Variants in SORCS1 observed in about 807,000 individuals in gnomAD.
SORCS1 encodes VPS10 domain-containing receptor SorCS1.
In SORCS1, 60 loss-of-function variants were observed where a neutral mutation model predicts 146.1. The observed-to-expected ratio is 0.41, with a 90% CI of 0.33 to 0.51. The LOEUF (loss-of-function observed/expected upper bound fraction) is 0.51, where lower values mean the gene tolerates loss of function less well. SORCS1 is among the 20% of genes least tolerant of loss of function. The probability of loss-of-function intolerance (pLI) is 0.21; values close to 1 mark genes in which losing one functional copy is unlikely to be tolerated. For synonymous variants in SORCS1, 637 were observed against 584.0 expected, an observed-to-expected ratio of 1.09 and a Z score of -1.31; for missense variants, 1,352 against 1,487.6, an observed-to-expected ratio of 0.91 and a Z score of 1.50.
chr10:106,952,793 A>G (rs1157958330), intron 2 of SORCS1, among the ~76,000 whole-genome samples: 1 of 151,338 alleles, frequency 6.6e-6, no homozygotes, highest in Non-Finnish European at 1.5e-5. Context: ...TTGAGTAACA[A>G]AGTGGGACCC....
intron 2 of SORCS1, among the ~76,000 whole-genome samples, chr10:106,868,693 A>T (rs148545446): frequency 7.3e-4 from 111 of 152,358 alleles, no homozygotes; most frequent in African/African-American, 2.6e-3. Flanking sequence ...CAGCTAGGGT[A>T]GTGTTAAGAA....
intron 3 of SORCS1, among the ~76,000 whole-genome samples, chr10:106,795,658 A>C (rs1416402530): frequency 3.9e-5 from 6 of 152,212 alleles, no homozygotes; most frequent in Non-Finnish European, 8.8e-5. Flanking sequence ...TGTTCGTGTG[A>C]TCTTTGGTAT....
At chr10:106,887,340 G>A (rs952737760) in intron 2 of SORCS1, among the ~76,000 whole-genome samples, 1 of 152,050 alleles carries the variant, frequency 6.6e-6, no homozygotes, top group Non-Finnish European at 1.5e-5. Flanking sequence ...AGTATTTTGG[G>A]TTAAAAAATA....
chr10:106,885,064 T>C (rs1341082118), intron 2 of SORCS1, among the ~76,000 whole-genome samples: 1 of 152,116 alleles, frequency 6.6e-6, no homozygotes, highest in Non-Finnish European at 1.5e-5. Context: ...CTGAAGACAG[T>C]GTGTGATTTT....
the SORCS1 span, among the ~76,000 whole-genome samples, chr10:107,171,003 C>G: frequency 6.6e-6 from 1 of 152,192 alleles, no homozygotes; most frequent in African/African-American, 2.4e-5. Context: ...ATTCCTTAAT[C>G]TGCAAAATGT....
chr10:106,730,394 G>T (rs1856510238), intron 5 of SORCS1, among the ~76,000 whole-genome samples: 1 of 152,190 alleles, frequency 6.6e-6, no homozygotes, highest in African/African-American at 2.4e-5. Flanking sequence ...TACGCATGTT[G>T]GGTGTGTACT....
At position 106,860,107 on chromosome 10, in the gene SORCS1, A is replaced by T. The variant is rs147179871; in HGVS notation, c.627-30434T>A. ...TGTGTTGGGTAGGAATAATTATGAGACATAAATATAAGAGAGATTAGTGAC... is the reference window on the plus strand; with the variant it reads ...TGTGTTGGGTAGGAATAATTATGAGTCATAAATATAAGAGAGATTAGTGAC... On this transcript the variant is annotated intron_variant, in intron 2 of 25. Transcript: ENST00000263054. Among the ~76,000 whole-genome samples, 54 of 152,364 alleles carry T rather than the reference A, an allele frequency of 3.5e-4. No individual in the cohort carries two copies. The East Asian group carries it at 5.0e-3, about 14-fold the overall frequency.
intron 1 of SORCS1, among the ~76,000 whole-genome samples, chr10:107,142,277 A>AT (rs1438295969): frequency 6.6e-6 from 1 of 152,124 alleles, no homozygotes; most frequent in Non-Finnish European, 1.5e-5. Context: ...CTAGTGACTG[A>AT]TTTTTACAAA....
chr10:107,177,587 ATAAT>A, the SORCS1 span, among the ~76,000 whole-genome samples: 39 of 152,344 alleles, frequency 2.6e-4, no homozygotes, highest in African/African-American at 8.7e-4. Context: ...AATTGCTAAA[ATAAT>A]TAATTTTTTT....
At chr10:107,157,106 A>G (rs562550549) in intron 1 of SORCS1, among the ~76,000 whole-genome samples, 127 of 152,334 alleles carry the variant, frequency 8.3e-4, no homozygotes, top group African/African-American at 2.9e-3. Context: ...TCTTCCCACA[A>G]TGGAAAACCT....
chr10:107,017,139 T>A (rs1378055114), intron 1 of SORCS1, among the ~76,000 whole-genome samples: 1 of 152,182 alleles, frequency 6.6e-6, no homozygotes, highest in African/African-American at 2.4e-5. Flanking sequence ...AACCCAGAAA[T>A]TCCACTTCTA....
intron 23 of SORCS1, among the ~76,000 whole-genome samples, chr10:106,599,627 GAA>G (rs1421023465): frequency 2.6e-5 from 4 of 151,484 alleles, no homozygotes; most frequent in African/African-American, 9.8e-5. Context: ...ATTCAAATAT[GAA>G]AGACTTGGTC....
At chr10:106,854,680 TG>T (rs2137335451) in intron 2 of SORCS1, among the ~76,000 whole-genome samples, 1 of 152,198 alleles carries the variant, frequency 6.6e-6, no homozygotes, top group Non-Finnish European at 1.5e-5. Context: ...TTACCACTAA[TG>T]AAGTTCACTT....
rs562902166 is a variant in SORCS1 at position 106,832,478 on chromosome 10, G to A, written c.627-2805C>T. Reference sequence around the variant, plus strand: ...TTCTGGGATTACAGGTGTGAGCCAAGGCACCCGGCCCCTAGTCCACTCTTG... The same window carrying A: ...TTCTGGGATTACAGGTGTGAGCCAAAGCACCCGGCCCCTAGTCCACTCTTG... On this transcript the variant is annotated intron_variant, in intron 2 of 25. Coordinates refer to ENST00000263054, the MANE Select transcript of SORCS1 (RefSeq NM_052918.5). Among the ~76,000 whole-genome samples the A allele has an allele frequency of 5.4e-4, 82 of 152,092 alleles. No individual in the cohort carries two copies. The South Asian group carries it at 0.017, about 31-fold the overall frequency.
chr10:106,606,779 T>C (rs1464900373), intron 23 of SORCS1, among the ~76,000 whole-genome samples: 1 of 152,204 alleles, frequency 6.6e-6, no homozygotes, highest in African/African-American at 2.4e-5. Context: ...TACCTCCATG[T>C]TGTTCCCACG....
chr10:106,755,029 A>C (rs1317127570), intron 5 of SORCS1, among the ~76,000 whole-genome samples: 1 of 152,232 alleles, frequency 6.6e-6, no homozygotes, highest in Non-Finnish European at 1.5e-5. Flanking sequence ...CTAATGAGAA[A>C]TGCCTTCCAT....
chr10:107,044,369 C>T (rs925318377), intron 1 of SORCS1, among the ~76,000 whole-genome samples: 1 of 151,836 alleles, frequency 6.6e-6, no homozygotes, highest in African/African-American at 2.4e-5. Flanking sequence ...TAAACACACA[C>T]ACATGCTTTC....
intron 1 of SORCS1, among the ~76,000 whole-genome samples, chr10:107,003,873 C>T (rs1957320514): frequency 6.6e-6 from 1 of 152,022 alleles, no homozygotes; most frequent in South Asian, 2.1e-4. Context: ...ACAACAAATC[C>T]CTTTTTAAAG....
At chr10:106,735,388 C>T (rs1179477897) in intron 5 of SORCS1, among the ~76,000 whole-genome samples, 1 of 152,140 alleles carries the variant, frequency 6.6e-6, no homozygotes, top group Non-Finnish European at 1.5e-5. Flanking sequence ...TTTAGAACTA[C>T]AGAAGAGGCA....
Sources: gnomAD v4.1 joint callset for allele counts (sites outside exome capture counted in the v4.1 genomes callset) on GRCh38, gnomAD v4.1.1 for gene constraint, MANE v1.5 for transcripts, NCBI Gene and HGNC (gene_info 2026-07-23, HGNC 2026-07-21) for gene names.